Variants in RMST observed in about 807,000 individuals in gnomAD.
RMST encodes long intergenic non-protein coding RNA 54.
intron 5 of RMST, among the ~76,000 whole-genome samples, chr12:97,479,438 C>G (rs997991207): frequency 2.6e-5 from 4 of 152,182 alleles, no homozygotes; most frequent in African/African-American, 9.6e-5. Flanking sequence ...TAGGCGTGAG[C>G]CACAATGCCC....
At chr12:97,502,772 G>A (rs952275927) in intron 10 of RMST, among the ~76,000 whole-genome samples, 1 of 152,186 alleles carries the variant, frequency 6.6e-6, no homozygotes, top group African/African-American at 2.4e-5. Context: ...CTCTATGAAT[G>A]TAGAACTGAC....
intron 11 of RMST, chr12:97,551,829 T>A (rs1048280330): frequency 6.6e-6 from 1 of 152,184 alleles, no homozygotes; most frequent in Non-Finnish European, 1.5e-5. Flanking sequence ...TCTCCCCACA[T>A]AGGAACGACT....
At chr12:97,472,467 A>G (rs1398446821) in intron 5 of RMST, among the ~76,000 whole-genome samples, 3 of 152,120 alleles carry the variant, frequency 2.0e-5, no homozygotes, top group African/African-American at 7.2e-5. Context: ...AGTGCTAGGA[A>G]GATCCGAATC....
At chr12:97,477,748 G>T (rs1480111722) in intron 5 of RMST, among the ~76,000 whole-genome samples, 2 of 152,150 alleles carry the variant, frequency 1.3e-5, no homozygotes, top group East Asian at 3.9e-4. Context: ...AAAGGATAAG[G>T]TTATTTCTTT....
intron 11 of RMST, chr12:97,532,732 C>T (rs1324789298): frequency 1.5e-5 from 2 of 135,370 alleles, no homozygotes; most frequent in African/African-American, 2.8e-5. Flanking sequence ...AAGGAATTAA[C>T]GTTTTTTGGT....
At chr12:97,530,103 G>A (rs530563111) in intron 10 of RMST, among the ~76,000 whole-genome samples, 11 of 152,170 alleles carry the variant, frequency 7.2e-5, no homozygotes, top group Non-Finnish European at 1.3e-4. Context: ...GGGCTACCTC[G>A]TTGTAAAGCT....
intron 11 of RMST, among the ~76,000 whole-genome samples, chr12:97,553,476 C>G (rs1026404205): frequency 5.9e-5 from 9 of 152,198 alleles, no homozygotes; most frequent in Non-Finnish European, 1.2e-4. Flanking sequence ...TCTTTTTGAA[C>G]TAAGTTCCAT....
intron 11 of RMST, among the ~76,000 whole-genome samples, chr12:97,540,945 GAT>G (rs1173276801): frequency 1.1e-5 from 1 of 87,762 alleles, no homozygotes; most frequent in African/African-American, 1.2e-4. Context: ...GAGATAGATA[GAT>G]ATAGATATAG....
intron 10 of RMST, among the ~76,000 whole-genome samples, chr12:97,526,743 T>C (rs1881150598): frequency 6.6e-6 from 1 of 152,170 alleles, no homozygotes; most frequent in Non-Finnish European, 1.5e-5. Context: ...CTGATTTGAG[T>C]GAGAAAGCTA....
At chr12:97,489,759 A>C (rs1171425614) in intron 5 of RMST, among the ~76,000 whole-genome samples, 4 of 152,348 alleles carry the variant, frequency 2.6e-5, no homozygotes, top group Non-Finnish European at 2.9e-5. Flanking sequence ...AACTAAATAT[A>C]ATAATAACAA....
chr12:97,535,029 A>G (rs1278593023), intron 11 of RMST, among the ~76,000 whole-genome samples: 2 of 151,648 alleles, frequency 1.3e-5, no homozygotes, highest in African/African-American at 4.8e-5. Flanking sequence ...AGGTTTTTTT[A>G]AAAAAATTAT....
rs150365013 is a variant in RMST at position 97,509,378 on chromosome 12, G to C, written n.1340+13322G>C. Among the ~76,000 whole-genome samples the C allele has an allele frequency of 5.9e-4, 85 of 144,816 alleles. 2 individuals carry two copies. In the East Asian group the frequency reaches 0.014, roughly 24 times the overall value. On this transcript the variant is annotated intron_variant and non_coding_transcript_variant, in intron 10 of 13. Transcript: ENST00000640149. ...AATTCGTTATATGGGATACGGCATA[G>C]TGGACTATATACTGAATTGCAGGCC...
chr12:97,558,751 C>T (rs993927615), intron 11 of RMST, among the ~76,000 whole-genome samples: 4 of 152,078 alleles, frequency 2.6e-5, no homozygotes, highest in Non-Finnish European at 5.9e-5. Context: ...CAATTTGTGT[C>T]TCAGGGAAGG....
chr12:97,467,681 C>T (rs1403880709), intron 5 of RMST, among the ~76,000 whole-genome samples: 1 of 151,976 alleles, frequency 6.6e-6, no homozygotes, highest in African/African-American at 2.4e-5. Flanking sequence ...TATTATAATA[C>T]TTACTTATAG....
intron 10 of RMST, among the ~76,000 whole-genome samples, chr12:97,509,166 A>T (rs1255631756): frequency 2.0e-5 from 3 of 152,192 alleles, no homozygotes; most frequent in Non-Finnish European, 4.4e-5. Context: ...CATTCTAGTT[A>T]GTATGGAATA....
intron 5 of RMST, among the ~76,000 whole-genome samples, chr12:97,488,480 T>C (rs1428372149): frequency 5.3e-5 from 8 of 152,194 alleles, no homozygotes; most frequent in South Asian, 2.1e-4. Context: ...ATCAAGACTT[T>C]CTTTCTTTGA....
chr12:97,530,969 C>T (rs1400912774), intron 11 of RMST: 1 of 148,262 alleles, frequency 6.7e-6, no homozygotes, highest in Non-Finnish European at 1.5e-5. Context: ...GAAAAAGATC[C>T]GTATGCTTTT....
At chr12:97,552,368 A>G (rs950168001) in intron 11 of RMST, 1 of 152,222 alleles carries the variant, frequency 6.6e-6, no homozygotes, top group African/African-American at 2.4e-5. Context: ...GACATAAAAT[A>G]TTTCTTCAGG....
chr12:97,502,649 G>A (rs1380683793), intron 10 of RMST, among the ~76,000 whole-genome samples: 2 of 151,734 alleles, frequency 1.3e-5, no homozygotes, highest in Non-Finnish European at 2.9e-5. Flanking sequence ...ATTTTTAATA[G>A]AGATGAGGTC....
Sources: gnomAD v4.1 joint callset for allele counts (sites outside exome capture counted in the v4.1 genomes callset) on GRCh38, gnomAD v4.1.1 for gene constraint, MANE v1.5 for transcripts, NCBI Gene and HGNC (gene_info 2026-07-23, HGNC 2026-07-21) for gene names.